DLGAP2: variants seen among roughly 807,000 people sequenced by gnomAD.
The protein encoded by DLGAP2 is DLG associated protein 2.
DLGAP2 carries 26 observed loss-of-function variants against 100.3 expected under a neutral mutation model. The observed-to-expected ratio is 0.26, with a 90% CI of 0.19 to 0.36. The LOEUF is 0.36. DLGAP2 is among the 10% of genes least tolerant of loss of function. DLGAP2 has a pLI of 1.00. For missense variants in DLGAP2, 1,858 were observed against 1,453.2 expected (o/e 1.28, Z -4.53); for synonymous variants, 886 against 630.1 (o/e 1.41, Z -6.08).
intron 2 of DLGAP2, among the ~76,000 whole-genome samples, chr8:1,058,603 C>T (rs1455358069): frequency 6.6e-6 from 1 of 152,202 alleles, no homozygotes; most frequent in Admixed American, 6.5e-5. Flanking sequence ...AGGGGGAAGC[C>T]TGGCTCATCA....
intron 2 of DLGAP2, among the ~76,000 whole-genome samples, chr8:1,027,270 G>A (rs1487851852): frequency 2.6e-5 from 4 of 152,238 alleles, no homozygotes; most frequent in Admixed American, 1.3e-4. Context: ...TTAGTTACAC[G>A]CCCGTGGTGC....
intron 2 of DLGAP2, among the ~76,000 whole-genome samples, chr8:1,154,840 T>A (rs1796752291): frequency 6.6e-6 from 1 of 152,204 alleles, no homozygotes; most frequent in Admixed American, 6.5e-5. Flanking sequence ...GCCTTGGAGT[T>A]AGGATTTCAG....
chr8:1,364,782 C>T (rs1015854796), intron 3 of DLGAP2, among the ~76,000 whole-genome samples: 3 of 152,226 alleles, frequency 2.0e-5, no homozygotes, highest in Non-Finnish European at 2.9e-5. Context: ...CTTCTCAGAG[C>T]TGGAGAGAGA....
At chr8:1,429,890 G>A (rs765650678) in intron 3 of DLGAP2, among the ~76,000 whole-genome samples, 1 of 149,692 alleles carries the variant, frequency 6.7e-6, no homozygotes, top group East Asian at 2.0e-4. Context: ...GAGTCAAGCC[G>A]ATGCTCAGAA....
intron 12 of DLGAP2, among the ~76,000 whole-genome samples, chr8:1,679,979 CAAAAAAAA>C (rs760100523): frequency 1.6e-5 from 1 of 63,528 alleles, no homozygotes; most frequent in Non-Finnish European, 2.9e-5. Context: ...GACTCTGTCT[CAAAAAAAA>C]AAAAAAAAAA....
intron 2 of DLGAP2, among the ~76,000 whole-genome samples, chr8:1,094,236 A>C (rs138870483): frequency 2.6e-4 from 40 of 152,342 alleles, no homozygotes; most frequent in African/African-American, 9.1e-4. Context: ...TGGGAGGTTG[A>C]GCATTTCCAA....
chr8:1,549,766 C>A, intron 5 of DLGAP2, 83 bp downstream of exon 5: 2 of 1,338,780 alleles, frequency 1.5e-6, no homozygotes, highest in Non-Finnish European at 1.0e-6. Context: ...TGACAGATAA[C>A]AACTGCATAC....
chr8:1,501,367 G>C lies in DLGAP2; in HGVS notation c.108G>C (p.Glu36Asp). ...SQCTLCGEPE[E>D]EEAGDLVQPG... ...GTGACTTTGTTTCTGTCTTTGCAGA[G>C]GAAGAAGCTGGAGACTTGGTCCAGC... Residue 36 changes from glutamate (E) to aspartate (D), a missense_variant and splice_region_variant, in exon 4 of 15, where the codon GAG becomes GAC. Coordinates refer to ENST00000637795, the MANE Select transcript of DLGAP2 (RefSeq NM_001346810.2). 1 of 1,535,894 alleles carries C rather than the reference G, an allele frequency of 6.5e-7. No individual in the cohort carries two copies. The highest frequency in any genetic ancestry group is 8.7e-7 in the Non-Finnish European group (1 of 1,146,748).
At chr8:1,413,884 T>C (rs1796802670) in intron 3 of DLGAP2, among the ~76,000 whole-genome samples, 1 of 152,186 alleles carries the variant, frequency 6.6e-6, no homozygotes, top group Non-Finnish European at 1.5e-5. Context: ...ATGGCATACT[T>C]ATTAAATGGT....
intron 3 of DLGAP2, among the ~76,000 whole-genome samples, chr8:1,452,933 G>A (rs943713092): frequency 6.6e-6 from 1 of 152,202 alleles, no homozygotes; most frequent in Non-Finnish European, 1.5e-5. Context: ...ACCATGCAGT[G>A]GATCATGGGG....
chr8:745,028 G>A (rs1378006787), intron 1 of DLGAP2, among the ~76,000 whole-genome samples: 1 of 152,166 alleles, frequency 6.6e-6, no homozygotes, highest in Non-Finnish European at 1.5e-5. Context: ...CCATGTCACT[G>A]GATAAACAGT....
At chr8:1,521,080 A>C (rs1800579891) in intron 4 of DLGAP2, among the ~76,000 whole-genome samples, 1 of 151,666 alleles carries the variant, frequency 6.6e-6, no homozygotes, top group Non-Finnish European at 1.5e-5. Flanking sequence ...TTGTTGTTTT[A>C]ATTTGGAATA....
At chr8:1,032,028 T>C (rs1214801657) in intron 2 of DLGAP2, among the ~76,000 whole-genome samples, 1 of 152,250 alleles carries the variant, frequency 6.6e-6, no homozygotes, top group Non-Finnish European at 1.5e-5. Flanking sequence ...TGATTACTGA[T>C]GGCGTCAACA....
chr8:1,306,092 AGAG>A (rs1433663425), intron 3 of DLGAP2, among the ~76,000 whole-genome samples: 10 of 129,794 alleles, frequency 7.7e-5, no homozygotes, highest in South Asian at 4.8e-4. Context: ...AAAAAAAAAA[AGAG>A]AGAGGGAGAA....
intron 2 of DLGAP2, among the ~76,000 whole-genome samples, chr8:1,046,438 G>A (rs1198693575): frequency 6.6e-6 from 1 of 152,124 alleles, no homozygotes; most frequent in Non-Finnish European, 1.5e-5. Context: ...ACTTTGCAGG[G>A]GTGGATGTGT....
chr8:1,468,517 G>T (rs1269867580), intron 3 of DLGAP2, among the ~76,000 whole-genome samples: 1 of 152,230 alleles, frequency 6.6e-6, no homozygotes, highest in African/African-American at 2.4e-5. Flanking sequence ...GCCATGGTGG[G>T]TTCTGAGAAC....
chr8:1,700,965 CT>C (rs1362444637), intron 14 of DLGAP2, among the ~76,000 whole-genome samples: 1 of 152,226 alleles, frequency 6.6e-6, no homozygotes, highest in Non-Finnish European at 1.5e-5. Flanking sequence ...CCTCTGCCCC[CT>C]TTGGAGAGTG....
chr8:1,055,944 T>G (rs1802869585), intron 2 of DLGAP2, among the ~76,000 whole-genome samples: 1 of 151,608 alleles, frequency 6.6e-6, no homozygotes, highest in Non-Finnish European at 1.5e-5. Context: ...AAGAAAAGAG[T>G]GGGTTGGATT....
intron 2 of DLGAP2, among the ~76,000 whole-genome samples, chr8:1,000,627 A>T (rs1467543689): frequency 6.6e-6 from 1 of 152,144 alleles, no homozygotes; most frequent in Non-Finnish European, 1.5e-5. Flanking sequence ...TGTTATCCTA[A>T]TTGCTCTGTT....
Sources: allele counts gnomAD v4.1 joint callset (sites outside exome capture counted in the v4.1 genomes callset), GRCh38; gene constraint gnomAD v4.1.1; transcripts MANE v1.5; gene names NCBI Gene and HGNC (gene_info 2026-07-23, HGNC 2026-07-21).